The following RICTOR variants were observed in gnomAD, a reference collection of about 807,000 sequenced individuals.
RICTOR encodes rapamycin-insensitive companion of mTOR.
RICTOR carries 49 observed loss-of-function variants against 214.9 expected under a neutral mutation model. That is an observed-to-expected ratio of 0.23 (90% confidence interval 0.18 to 0.29). The LOEUF (loss-of-function observed/expected upper bound fraction) is 0.29. Among genes scored for constraint, RICTOR ranks in the 10% least tolerant of loss-of-function variants. RICTOR has a pLI of 1.00. For missense variants in RICTOR, 1,625 were observed against 2,047.0 expected (o/e 0.79, Z 3.98); for synonymous variants, 717 against 711.3 (o/e 1.01, Z -0.13).
At chr5:38,994,130 C>G (rs1039532499) in intron 6 of RICTOR, among the ~76,000 whole-genome samples, 1 of 151,898 alleles carries the variant, frequency 6.6e-6, no homozygotes, top group Non-Finnish European at 1.5e-5. Flanking sequence ...GTGGAGCTTG[C>G]AGTGAGCCGA....
chr5:39,020,111 T>A (rs567663685), intron 3 of RICTOR, among the ~76,000 whole-genome samples: 1 of 152,156 alleles, frequency 6.6e-6, no homozygotes, highest in Non-Finnish European at 1.5e-5. Flanking sequence ...AAAGCTTTAA[T>A]GGATAAGGAG....
At position 39,038,948 on chromosome 5, in the gene RICTOR, C is replaced by T. The variant is rs890960522; in HGVS notation, c.98-17812G>A. On this transcript the variant is annotated intron_variant, in intron 2 of 37. Coordinates refer to ENST00000357387, the MANE Select transcript of RICTOR (RefSeq NM_152756.5). ...ATCAAGCTACCAATGACTTTCTTCA[C>T]AGAATTGGAAAAAACTACTTTAAAG... Among the ~76,000 whole-genome samples the T allele has an allele frequency of 3.4e-4, 52 of 150,900 alleles. No homozygotes were observed. The Middle Eastern group carries it at 0.011, about 31-fold the overall frequency.
At chr5:38,943,157 G>GTT (rs371095614) in intron 36 of RICTOR, 186 bp from the exon 37 acceptor site, 83 of 305,912 alleles carry the variant, frequency 2.7e-4, no homozygotes, top group African/African-American at 5.1e-4. Flanking sequence ...TCTGAGTTTG[G>GTT]GTTTTTTTTT....
chr5:39,027,506 G>A (rs902579817), intron 2 of RICTOR, among the ~76,000 whole-genome samples: 9 of 152,074 alleles, frequency 5.9e-5, no homozygotes. Context: ...ATAAATGTAA[G>A]TGTAATGTGT....
chr5:39,030,443 T>C (rs1189199046), intron 2 of RICTOR, among the ~76,000 whole-genome samples: 1 of 152,132 alleles, frequency 6.6e-6, no homozygotes, highest in African/African-American at 2.4e-5. Flanking sequence ...TCAATTCTTA[T>C]TCACTATCCC....
At position 38,941,698 on chromosome 5, in the gene RICTOR, A is replaced by T. The variant is rs1045970695; in HGVS notation, c.*606T>A. 4 of 232,282 alleles carry T rather than the reference A, an allele frequency of 1.7e-5. No homozygotes were observed. The highest frequency in any genetic ancestry group is 3.4e-5 in the Non-Finnish European group (4 of 117,266). 14.4% of individuals were successfully genotyped at this position (232,282 alleles called of 1,614,324 possible). On this transcript the variant is annotated 3_prime_UTR_variant, in exon 38 of 38. Transcript: ENST00000357387. ...ATGCAAGTCTAGTAACATAAAAATA[A>T]CTTATAAGTCCCGGGTTGTTGAGGC... is the stretch of plus-strand genomic sequence containing the variant.
rs754497856 is a variant in RICTOR, at chr5:38,952,416, T to C, written c.2907A>G (p.Val969=). Reference sequence around the variant, plus strand: ...TTTTAGCTATGAGCCCAAGTACATATACACAGGTCCTGTATATAAAAGATG... The same window carrying C: ...TTTTAGCTATGAGCCCAAGTACATACACACAGGTCCTGTATATAAAAGATG... ...CEVLSIRGTC[V]YVLGLIAKTK... Residue 969 remains valine, a synonymous_variant, in exon 30 of 38, where the codon GTA becomes GTG. Coordinates refer to ENST00000357387, the MANE Select transcript of RICTOR (RefSeq NM_152756.5). 6.6e-5 allele frequency: 106 copies of C among 1,603,488 alleles called. 2 individuals are homozygous for C. The Admixed American group carries it at 1.4e-3, about 22-fold the overall frequency.
chr5:38,955,897 C>T (rs1165623768), intron 25 of RICTOR, among the ~76,000 whole-genome samples, 193 bp from the exon 26 acceptor site: 1 of 152,000 alleles, frequency 6.6e-6, no homozygotes, highest in Non-Finnish European at 1.5e-5. Context: ...CCATTTTCCT[C>T]ACAAATCTGA....
intron 2 of RICTOR, among the ~76,000 whole-genome samples, chr5:39,022,192 T>C (rs1025803448): frequency 6.6e-6 from 1 of 152,348 alleles, no homozygotes; most frequent in South Asian, 2.1e-4. Flanking sequence ...AGATGTTTGG[T>C]AGATTAGGTA....
At chr5:38,993,792 C>T (rs1203171722) in intron 6 of RICTOR, among the ~76,000 whole-genome samples, 1 of 152,116 alleles carries the variant, frequency 6.6e-6, no homozygotes, top group Non-Finnish European at 1.5e-5. Flanking sequence ...CTGAGACTGA[C>T]ATGAGCCAGA....
intron 2 of RICTOR, among the ~76,000 whole-genome samples, chr5:39,039,245 G>A (rs1031239581): frequency 6.6e-6 from 1 of 152,062 alleles, no homozygotes; most frequent in Admixed American, 6.5e-5. Context: ...AATGGTGCTG[G>A]GAAAACTGGC....
chr5:38,960,823 C>G (rs1749729929), intron 19 of RICTOR, among the ~76,000 whole-genome samples: 1 of 152,030 alleles, frequency 6.6e-6, no homozygotes, highest in Non-Finnish European at 1.5e-5. Context: ...GTTCTCGTGA[C>G]AGTGAGTGAG....
chr5:39,021,421 T>A (rs1755415260), intron 2 of RICTOR, among the ~76,000 whole-genome samples: 1 of 152,176 alleles, frequency 6.6e-6, no homozygotes, highest in African/African-American at 2.4e-5. Flanking sequence ...CCCCCAAAGT[T>A]GTGTTGGAAA....
At chr5:38,959,350 T>C in intron 21 of RICTOR, 29 bp from the exon 22 acceptor site, 1 of 1,265,364 alleles carries the variant, frequency 7.9e-7, no homozygotes, top group Non-Finnish European at 1.1e-6. Flanking sequence ...TAAGAATGGT[T>C]AAAAGAAATT....
At chr5:39,055,358 A>G (rs985804176) in intron 2 of RICTOR, among the ~76,000 whole-genome samples, 1 of 150,634 alleles carries the variant, frequency 6.6e-6, no homozygotes, top group Non-Finnish European at 1.5e-5. Flanking sequence ...CCTCCCTTAC[A>G]TGGTGCCTCC....
At chr5:39,041,496 A>G (rs988967688) in intron 2 of RICTOR, among the ~76,000 whole-genome samples, 2 of 152,122 alleles carry the variant, frequency 1.3e-5, no homozygotes, top group African/African-American at 2.4e-5. Context: ...TAGGAATACA[A>G]CTCTGGAGAG....
chr5:39,033,851 A>C (rs2150154941), intron 2 of RICTOR, among the ~76,000 whole-genome samples: 1 of 152,298 alleles, frequency 6.6e-6, no homozygotes, highest in South Asian at 2.1e-4. Flanking sequence ...AAACAAACAA[A>C]TAACTATATG....
chr5:39,056,616 G>A (rs1758223520), intron 2 of RICTOR, among the ~76,000 whole-genome samples: 1 of 151,480 alleles, frequency 6.6e-6, no homozygotes. Flanking sequence ...CAGCCTGGAT[G>A]ACAAAGCGAG....
chr5:38,973,632 C>G (rs925883484), intron 10 of RICTOR, among the ~76,000 whole-genome samples: 8 of 152,250 alleles, frequency 5.3e-5, no homozygotes, highest in Admixed American at 3.9e-4. Context: ...TCTCTATGTT[C>G]TCTTTAGATT....
Sources: allele counts gnomAD v4.1 joint callset (sites outside exome capture counted in the v4.1 genomes callset), GRCh38; gene constraint gnomAD v4.1.1; transcripts MANE v1.5; gene names NCBI Gene and HGNC (gene_info 2026-07-23, HGNC 2026-07-21).